NELL2: variants seen among roughly 807,000 people sequenced by gnomAD.
The protein encoded by NELL2 is neural EGFL like 2.
A neutral mutation model predicts 109.6 loss-of-function variants in NELL2; 41 were observed. The observed-to-expected ratio is 0.37, with a 90% CI of 0.29 to 0.49. The LOEUF is 0.49. Ranked by LOEUF, NELL2 falls within the 20% of genes least tolerant of loss-of-function variation. The pLI is 0.98. For missense variants in NELL2, 900 were observed against 1,008.3 expected (o/e 0.89, Z 1.45); for synonymous variants, 355 against 344.7 (o/e 1.03, Z -0.33).
chr12:44,813,561 T>A (rs2136679402), intron 3 of NELL2, among the ~76,000 whole-genome samples: 1 of 152,256 alleles, frequency 6.6e-6, no homozygotes, highest in Admixed American at 6.5e-5. Context: ...TAAGAAATAT[T>A]CATCATATTA....
At chr12:44,742,892 G>T (rs1246441446) in intron 9 of NELL2, among the ~76,000 whole-genome samples, 1 of 152,192 alleles carries the variant, frequency 6.6e-6, no homozygotes, top group Non-Finnish European at 1.5e-5. Flanking sequence ...ATATTATCCA[G>T]GAGAACTTCC....
At chr12:44,614,171 A>G (rs924244789) in intron 13 of NELL2, among the ~76,000 whole-genome samples, 4 of 152,042 alleles carry the variant, frequency 2.6e-5, no homozygotes, top group African/African-American at 7.2e-5. Flanking sequence ...TTCATTGTTT[A>G]TATGATATGA....
At chr12:44,825,306 A>G (rs1184942311) in intron 2 of NELL2, among the ~76,000 whole-genome samples, 3 of 149,948 alleles carry the variant, frequency 2.0e-5, no homozygotes, top group East Asian at 2.0e-4. Context: ...CATAGTTTTC[A>G]TTGTAGAGGT....
intron 2 of NELL2, among the ~76,000 whole-genome samples, chr12:44,825,977 G>A (rs910260680): frequency 2.0e-5 from 3 of 151,906 alleles, no homozygotes; most frequent in Non-Finnish European, 4.4e-5. Flanking sequence ...GGGAGGCGGA[G>A]GTTGCAGTGA....
chr12:44,740,542 A>C (rs1228164668), intron 9 of NELL2, among the ~76,000 whole-genome samples: 1 of 152,178 alleles, frequency 6.6e-6, no homozygotes, highest in Non-Finnish European at 1.5e-5. Flanking sequence ...CTAAATCCAA[A>C]ACTGTACGGC....
intron 9 of NELL2, among the ~76,000 whole-genome samples, chr12:44,774,105 A>G (rs1941656434): frequency 6.6e-6 from 1 of 152,268 alleles, no homozygotes; most frequent in Non-Finnish European, 1.5e-5. Context: ...CTTTTAAAGT[A>G]TAAGAAACAT....
chr12:44,516,395 G>A (rs776274472), intron 19 of NELL2, among the ~76,000 whole-genome samples: 7 of 151,960 alleles, frequency 4.6e-5, no homozygotes, highest in African/African-American at 1.4e-4. Context: ...ATGGGGGTGC[G>A]GATAGTATGT....
Position 44,607,261 on chromosome 12 carries a change from A to G in NELL2, c.1571T>C (p.Phe524Ser). ...YTGNGTTCKA[F>S]CKDGCRNGGA... ...TCCATTCCTACAGCCATCTTTGCAAAATGCTAAAATAATTCAGATACATGA... is the reference window on the plus strand; with the variant it reads ...TCCATTCCTACAGCCATCTTTGCAAGATGCTAAAATAATTCAGATACATGA... The change falls in exon 15 of 20, where the codon TTT becomes TCT. Residue 524 changes from phenylalanine to serine, a missense_variant. Phe to Ser is a radical substitution (Grantham distance 155). Around this residue, in one of 4 missense-constraint regions of NELL2, gnomAD observed 333 missense variants for 432.3 expected, o/e 0.77. Coordinates refer to ENST00000429094, the MANE Select transcript of NELL2 (RefSeq NM_001145108.2). 1 of 1,611,064 alleles carries G rather than the reference A, an allele frequency of 6.2e-7. No homozygotes were observed. The highest frequency in any genetic ancestry group is 8.5e-7 in the Non-Finnish European group (1 of 1,178,434).
intron 1 of NELL2, among the ~76,000 whole-genome samples, chr12:44,897,721 G>A (rs925883071): frequency 6.6e-6 from 1 of 151,944 alleles, no homozygotes; most frequent in African/African-American, 2.4e-5. Context: ...GCTAGCTGCA[G>A]TTTTTTTTCA....
chr12:44,522,578 A>G (rs1941587442), intron 17 of NELL2, among the ~76,000 whole-genome samples: 1 of 152,156 alleles, frequency 6.6e-6, no homozygotes, highest in African/African-American at 2.4e-5. Flanking sequence ...TAACATATAT[A>G]TATTACTAAA....
chr12:44,642,715 C>T (rs12829763), intron 13 of NELL2, among the ~76,000 whole-genome samples: 43,491 of 151,894 alleles, frequency 0.29, 6,445 homozygotes, highest in East Asian at 0.49. Flanking sequence ...AACCCTATCT[C>T]TACTAAAAAT....
intron 1 of NELL2, among the ~76,000 whole-genome samples, chr12:44,894,804 C>A: frequency 6.6e-6 from 1 of 152,116 alleles, no homozygotes; most frequent in East Asian, 1.9e-4. Flanking sequence ...TGCATTCCTT[C>A]TTTGCATCCA....
At chr12:44,572,806 G>C (rs574900426) in intron 15 of NELL2, among the ~76,000 whole-genome samples, 1 of 152,318 alleles carries the variant, frequency 6.6e-6, no homozygotes, top group African/African-American at 2.4e-5. Context: ...TCAGCAACTT[G>C]CAGATATGTG....
At chr12:44,840,210 C>A (rs529380928) in intron 2 of NELL2, among the ~76,000 whole-genome samples, 1 of 152,218 alleles carries the variant, frequency 6.6e-6, no homozygotes, top group East Asian at 1.9e-4. Context: ...TCCTAAAGAC[C>A]CCAACAAGTT....
intron 1 of NELL2, among the ~76,000 whole-genome samples, chr12:44,919,434 A>T (rs1318991246): frequency 6.6e-6 from 1 of 152,138 alleles, no homozygotes; most frequent in Non-Finnish European, 1.5e-5. Flanking sequence ...TTCCCCTAAA[A>T]GATGTTAAAG....
intron 9 of NELL2, among the ~76,000 whole-genome samples, chr12:44,722,867 A>G (rs73278126): frequency 0.075 from 11,426 of 152,196 alleles, 1,388 homozygotes; most frequent in African/African-American, 0.26. Flanking sequence ...CAATAGATGC[A>G]TATTAAAATC....
chr12:44,888,048 C>A (rs769477933), intron 1 of NELL2, among the ~76,000 whole-genome samples: 1 of 152,012 alleles, frequency 6.6e-6, no homozygotes, highest in Non-Finnish European at 1.5e-5. Flanking sequence ...TTTCAATCTT[C>A]TGCATATGTT....
chr12:44,594,196 G>A (rs1001947056), intron 15 of NELL2, among the ~76,000 whole-genome samples: 3 of 152,016 alleles, frequency 2.0e-5, no homozygotes, highest in Non-Finnish European at 2.9e-5. Flanking sequence ...TGCAGATGAC[G>A]GGTTGATGGG....
upstream of NELL2, among the ~76,000 whole-genome samples, chr12:44,879,526 G>A (rs1053453373): frequency 3.3e-5 from 5 of 151,820 alleles, no homozygotes; most frequent in African/African-American, 1.2e-4. Context: ...AAATCCCCAG[G>A]TGCTAGAAAA....
Sources: allele counts gnomAD v4.1 joint callset (sites outside exome capture counted in the v4.1 genomes callset), GRCh38; gene constraint gnomAD v4.1.1; regional missense constraint gnomAD v4.1.1; transcripts MANE v1.5; gene names NCBI Gene and HGNC (gene_info 2026-07-23, HGNC 2026-07-21).